DHX8: variants seen among roughly 807,000 people sequenced by gnomAD.
DHX8 encodes the protein ATP-dependent RNA helicase DHX8.
Under a neutral mutation model 140.7 loss-of-function variants are expected in DHX8, and 67 were observed. That is an observed-to-expected ratio of 0.48 (90% CI 0.39 to 0.58). DHX8 has a LOEUF of 0.58. DHX8 is among the 20% of genes least tolerant of loss of function. The pLI, the probability that DHX8 is intolerant of heterozygous loss-of-function variation, is 0.00. For missense variants in DHX8, 887 were observed against 1,550.7 expected (o/e 0.57, Z 7.19); for synonymous variants, 533 against 553.2 (o/e 0.96, Z 0.51).
At chr17:43,540,673 T>TA (rs1249426956) in intron 3 of DHX8, among the ~76,000 whole-genome samples, 2 of 152,006 alleles carry the variant, frequency 1.3e-5, no homozygotes, top group Non-Finnish European at 2.9e-5. Flanking sequence ...ACCACAACCT[T>TA]AAAAATAGGC....
chr17:43,537,769 C>T (rs942111277), intron 3 of DHX8, among the ~76,000 whole-genome samples: 4 of 151,548 alleles, frequency 2.6e-5, no homozygotes, highest in Non-Finnish European at 4.4e-5. Flanking sequence ...CCGTGGTGGG[C>T]GGATCACGAG....
chr17:43,528,477 A>G (rs750635016), downstream of DHX8: 25 of 1,356,716 alleles, frequency 1.8e-5, no homozygotes, highest in Middle Eastern at 5.0e-4. Flanking sequence ...ATATGTACAC[A>G]GGGCAGCACC....
chr17:43,506,964 C>G (rs779060054), intron 12 of DHX8, 39 bp from the exon 13 acceptor site: 11 of 1,459,746 alleles, frequency 7.5e-6, no homozygotes, highest in Non-Finnish European at 1.0e-5. Context: ...TATATTCTGG[C>G]AGATTTTAAT....
chr17:43,535,450 G>C (rs969272258), intron 2 of DHX8, among the ~76,000 whole-genome samples: 1 of 152,014 alleles, frequency 6.6e-6, no homozygotes, highest in African/African-American at 2.4e-5. Flanking sequence ...GCTAATTTTT[G>C]TATTTTAGTA....
intron 2 of DHX8, among the ~76,000 whole-genome samples, chr17:43,489,888 T>C (rs1478803643): frequency 6.6e-6 from 1 of 152,216 alleles, no homozygotes; most frequent in African/African-American, 2.4e-5. Context: ...TTAATGTCAC[T>C]ATTGATTTTA....
intron 8 of DHX8, among the ~76,000 whole-genome samples, chr17:43,495,527 C>T (rs1049567421): frequency 6.6e-6 from 1 of 152,184 alleles, no homozygotes; most frequent in Non-Finnish European, 1.5e-5. Flanking sequence ...ATTCTCTTGT[C>T]TCAGCCTCCC....
chr17:43,498,597 C>T (rs1020767120), intron 9 of DHX8, among the ~76,000 whole-genome samples: 3 of 151,730 alleles, frequency 2.0e-5, no homozygotes, highest in Non-Finnish European at 4.4e-5. Context: ...CTACAGGTGC[C>T]CACCACCAAG....
chr17:43,499,179 T>G (rs1250891881), intron 10 of DHX8, among the ~76,000 whole-genome samples: 1 of 152,180 alleles, frequency 6.6e-6, no homozygotes, highest in Non-Finnish European at 1.5e-5. Flanking sequence ...GTATTTTGGG[T>G]GGAAGCAGAG....
At chr17:43,526,166 C>T, downstream of DHX8, 1 of 985,380 alleles carries the variant, frequency 1.0e-6, no homozygotes, top group Non-Finnish European at 1.2e-6. Flanking sequence ...AGAAGGGGAG[C>T]TTGCCTGCTG....
intron 9 of DHX8, among the ~76,000 whole-genome samples, chr17:43,496,526 CCAGCACTT>C (rs1968869960): frequency 6.6e-6 from 1 of 151,978 alleles, no homozygotes; most frequent in South Asian, 2.1e-4. Context: ...GCCTGTAATC[CCAGCACTT>C]TGGGAGGCCG....
chr17:43,484,448 C>T (rs1346555594), intron 1 of DHX8, among the ~76,000 whole-genome samples: 5 of 152,090 alleles, frequency 3.3e-5, no homozygotes, highest in East Asian at 1.9e-4. Context: ...GTTTTTTCAG[C>T]CTCAATTAAA....
chr17:43,499,000 A>G (rs769674493), intron 10 of DHX8, 41 bp downstream of exon 10: 2 of 1,484,446 alleles, frequency 1.3e-6, no homozygotes, highest in East Asian at 4.7e-5. Flanking sequence ...TGTCAAGTGG[A>G]CTTCTTTTTC....
At chr17:43,504,177 T>C (rs9908678) in intron 11 of DHX8, among the ~76,000 whole-genome samples, 33,976 of 152,098 alleles carry the variant, frequency 0.22, 4,020 homozygotes, top group East Asian at 0.32. Context: ...ATGGTGGCCA[T>C]ACCTGTAATT....
At chr17:43,513,591 T>TTC in intron 17 of DHX8, 89 bp downstream of exon 17, 1 of 1,424,568 alleles carries the variant, frequency 7.0e-7, no homozygotes, top group Non-Finnish European at 9.5e-7. Flanking sequence ...CAAACTTGTT[T>TTC]TCAAAGATGA....
intron 12 of DHX8, 109 bp downstream of exon 12, chr17:43,504,934 G>T: frequency 1.9e-6 from 2 of 1,042,766 alleles, no homozygotes; most frequent in Non-Finnish European, 2.8e-6. Flanking sequence ...ACTTGAAGTG[G>T]CTCATCCAAA....
downstream of DHX8, chr17:43,529,983 C>T: frequency 3.7e-6 from 6 of 1,613,992 alleles, no homozygotes; most frequent in Non-Finnish European, 5.1e-6. Flanking sequence ...TTGCTCAGAT[C>T]TGGGGGTTCA....
intron 3 of DHX8, among the ~76,000 whole-genome samples, chr17:43,538,908 G>A (rs897467623): frequency 1.3e-5 from 2 of 152,058 alleles, no homozygotes; most frequent in Admixed American, 1.3e-4. Context: ...GGCTGGTGAG[G>A]GGTATGAGAT....
Position 43,498,580 on chromosome 17 carries a change from G to A in DHX8, c.1301-282G>A, listed in dbSNP as rs182950396. ...TTCTCCTGTCTCAGCCTCTTGAGTA[G>A]CTGGGACTACAGGTGCCCACCACCA... is the stretch of plus-strand genomic sequence containing the variant. On this transcript the variant is annotated intron_variant, in intron 9 of 22. Transcript: ENST00000262415. 2.0e-3 allele frequency among the ~76,000 whole-genome samples: 302 copies of A among 151,936 alleles called. 1 individual carries two copies. The highest frequency in any genetic ancestry group is 3.5e-3 in the Non-Finnish European group (237 of 67,978).
In DHX8 at chr17:43,503,480, A is replaced by G. The variant is rs1488940068; in HGVS notation, c.1547-1164A>G. Among the ~76,000 whole-genome samples, 4 of 151,098 alleles carry G rather than the reference A, an allele frequency of 2.6e-5. No individual in the cohort carries two copies. In the East Asian group the frequency reaches 7.9e-4, roughly 30 times the overall value. ...CCATTGCACTCCAGCCTGGACAACAATTGCGAAACTCCATCTAAAAAAAAA... is the reference window on the plus strand; with the variant it reads ...CCATTGCACTCCAGCCTGGACAACAGTTGCGAAACTCCATCTAAAAAAAAA... On this transcript the variant is annotated intron_variant, in intron 11 of 22. Coordinates refer to ENST00000262415, the MANE Select transcript of DHX8 (RefSeq NM_004941.3).
Sources: gnomAD v4.1 joint callset for allele counts (sites outside exome capture counted in the v4.1 genomes callset) on GRCh38, gnomAD v4.1.1 for gene constraint, MANE v1.5 for transcripts, NCBI Gene and HGNC (gene_info 2026-07-23, HGNC 2026-07-21) for gene names.